The following SMIM35 variants were observed in gnomAD, a reference collection of about 807,000 sequenced individuals.
The protein encoded by SMIM35 is small integral membrane protein 35, also known as TMPRSS4 antisense RNA 1 (non-protein coding).
At chr11:118,010,031 C>A (rs2058142313) in intron 4 of SMIM35, among the ~76,000 whole-genome samples, 1 of 152,180 alleles carries the variant, frequency 6.6e-6, no homozygotes, top group Non-Finnish European at 1.5e-5. Flanking sequence ...GCTTTTCTGA[C>A]CCAAGTGCCC....
intron 1 of SMIM35, among the ~76,000 whole-genome samples, chr11:118,076,434 G>A (rs1315288150): frequency 6.6e-6 from 1 of 152,138 alleles, no homozygotes; most frequent in Non-Finnish European, 1.5e-5. Flanking sequence ...GGGACAGAGA[G>A]AGACCCTGTC....
intron 1 of SMIM35, among the ~76,000 whole-genome samples, chr11:118,048,078 C>A (rs2135094428): frequency 6.6e-6 from 1 of 152,298 alleles, no homozygotes; most frequent in South Asian, 2.1e-4. Context: ...TAGTGGTACC[C>A]AGGAGCCATT....
At chr11:118,071,520 T>G (rs2135142135) in intron 1 of SMIM35, among the ~76,000 whole-genome samples, 1 of 152,302 alleles carries the variant, frequency 6.6e-6, no homozygotes, top group South Asian at 2.1e-4. Flanking sequence ...CACGCTGCAT[T>G]CCAGAGCTGC....
At chr11:118,037,812 G>C (rs1042321021) in intron 1 of SMIM35, among the ~76,000 whole-genome samples, 2 of 152,144 alleles carry the variant, frequency 1.3e-5, no homozygotes, top group Non-Finnish European at 2.9e-5. Flanking sequence ...ATAACAAAAG[G>C]AAGAATGGGT....
At chr11:118,074,026 C>T (rs1349694015) in intron 1 of SMIM35, among the ~76,000 whole-genome samples, 1 of 152,200 alleles carries the variant, frequency 6.6e-6, no homozygotes, top group East Asian at 1.9e-4. Context: ...ATGGGACCAG[C>T]CTGGGTGAGG....
intron 1 of SMIM35, among the ~76,000 whole-genome samples, chr11:118,075,633 T>TTGC (rs1389133691): frequency 2.0e-5 from 3 of 151,384 alleles, no homozygotes; most frequent in Non-Finnish European, 4.4e-5. Context: ...AATATTGGGG[T>TTGC]TGTTGTTGGA....
At chr11:118,045,658 T>C (rs1774329495) in intron 1 of SMIM35, among the ~76,000 whole-genome samples, 1 of 152,192 alleles carries the variant, frequency 6.6e-6, no homozygotes, top group African/African-American at 2.4e-5. Flanking sequence ...CACATAACAA[T>C]AAAAAATCAA....
In SMIM35 at chr11:118,039,518, T is replaced by C. The variant is rs1169747701; in HGVS notation, c.8-23709A>G. ...TGAGCCCAGGAGTTCAAGACCAGCC[T>C]GGGAAACATGGCAAAACTCCATCTC... is the stretch of plus-strand genomic sequence containing the variant. On this transcript the variant is annotated intron_variant, in intron 1 of 4. Coordinates refer to ENST00000689828, the MANE Select transcript of SMIM35 (RefSeq NM_001394165.1). Among the ~76,000 whole-genome samples, 5 of 151,932 alleles carry C rather than the reference T, an allele frequency of 3.3e-5. 1 individual carries two copies.
At chr11:118,012,741 G>C (rs532997213) in intron 4 of SMIM35, among the ~76,000 whole-genome samples, 1 of 152,292 alleles carries the variant, frequency 6.6e-6, no homozygotes, top group East Asian at 1.9e-4. Context: ...GAGGGGGCAG[G>C]GCAGAGTCGA....
chr11:118,007,403 C>CT (rs369031323), intron 4 of SMIM35, among the ~76,000 whole-genome samples: 106 of 147,810 alleles, frequency 7.2e-4, no homozygotes, highest in Middle Eastern at 3.5e-3. Context: ...GATGTAACTT[C>CT]TTTTTTTTTT....
At chr11:118,039,271 GT>G (rs1004148257) in intron 1 of SMIM35, among the ~76,000 whole-genome samples, 1 of 152,202 alleles carries the variant, frequency 6.6e-6, no homozygotes, top group Non-Finnish European at 1.5e-5. Flanking sequence ...CAAATACCCA[GT>G]TATCTCAACA....
chr11:118,009,835 T>C (rs1431445580), intron 4 of SMIM35, among the ~76,000 whole-genome samples: 2 of 151,950 alleles, frequency 1.3e-5, no homozygotes, highest in Admixed American at 1.3e-4. Flanking sequence ...CTGAAATAGA[T>C]GTCCAAAGAG....
rs57912361 is a variant in SMIM35 at position 118,053,307 on chromosome 11, AACACACACACACAC to A, written c.7+33430_7+33443del. ...TGGGTGACAGAGCAAGACTCTCTAA[AACACACACACACAC>A]ACACACACACACACACACACACACA... On this transcript the variant is annotated intron_variant, in intron 1 of 4. Coordinates refer to ENST00000689828, the MANE Select transcript of SMIM35 (RefSeq NM_001394165.1). 3.2e-3 allele frequency among the ~76,000 whole-genome samples: 451 copies of A among 142,010 alleles called. 3 individuals are homozygous for A. The highest frequency in any genetic ancestry group is 0.01 in the Middle Eastern group (3 of 288). 93.2% of individuals were successfully genotyped at this position (142,010 alleles called of 152,430 possible).
intron 1 of SMIM35, among the ~76,000 whole-genome samples, chr11:118,027,101 C>T (rs1181675026): frequency 3.6e-5 from 5 of 139,406 alleles, no homozygotes; most frequent in Non-Finnish European, 6.1e-5. Context: ...AATCTCGGCT[C>T]ACTGCAAGCT....
chr11:118,075,929 A>AG (rs11408169), intron 1 of SMIM35, among the ~76,000 whole-genome samples: 114,993 of 152,148 alleles, frequency 0.76, 43,641 homozygotes, highest in Admixed American at 0.81. Flanking sequence ...TCCCCTGGCC[A>AG]GGGGGCAGCT....
At chr11:118,063,712 C>T (rs1458287259) in intron 1 of SMIM35, among the ~76,000 whole-genome samples, 2 of 152,032 alleles carry the variant, frequency 1.3e-5, no homozygotes, top group African/African-American at 4.8e-5. Context: ...ACCAATGGCC[C>T]GTGGCTTAAT....
intron 1 of SMIM35, among the ~76,000 whole-genome samples, chr11:118,060,086 G>A (rs957225584): frequency 1.3e-5 from 2 of 152,146 alleles, no homozygotes; most frequent in African/African-American, 4.8e-5. Flanking sequence ...CCAGGAGGCA[G>A]CCAGGGCTGT....
intron 4 of SMIM35, among the ~76,000 whole-genome samples, chr11:118,012,861 C>T (rs1325387989): frequency 1.3e-5 from 2 of 152,158 alleles, no homozygotes; most frequent in Non-Finnish European, 2.9e-5. Context: ...GCTTTCTGGC[C>T]CCTGGTCAAC....
intron 1 of SMIM35, among the ~76,000 whole-genome samples, chr11:118,020,933 G>A (rs759868400): frequency 7.9e-5 from 12 of 151,966 alleles, no homozygotes; most frequent in African/African-American, 2.2e-4. Context: ...GACTTGATAC[G>A]TAATATTTTT....
Sources: allele counts gnomAD v4.1 joint callset (sites outside exome capture counted in the v4.1 genomes callset), GRCh38; gene constraint gnomAD v4.1.1; transcripts MANE v1.5; gene names NCBI Gene and HGNC (gene_info 2026-07-23, HGNC 2026-07-21).